Variants in EPHA5 observed in about 807,000 individuals in gnomAD.
The protein encoded by EPHA5 is ephrin type-A receptor 5.
EPHA5 carries 60 observed loss-of-function variants against 105.0 expected under a neutral mutation model. That is an observed-to-expected ratio of 0.57 (90% CI 0.46 to 0.71). EPHA5 has a LOEUF of 0.71. Ranked by LOEUF, EPHA5 falls within the 30% of genes least tolerant of loss-of-function variation. The probability of loss-of-function intolerance (pLI) is 0.00; values close to 1 mark genes in which losing one functional copy is unlikely to be tolerated. For missense variants in EPHA5, 1,218 were observed against 1,274.7 expected (o/e 0.96, Z 0.68); for synonymous variants, 513 against 449.1 (o/e 1.14, Z -1.80).
intron 5 of EPHA5, among the ~76,000 whole-genome samples, chr4:65,477,327 T>A (rs1252578180): frequency 6.6e-6 from 1 of 152,196 alleles, no homozygotes; most frequent in Non-Finnish European, 1.5e-5. Context: ...GGCTCTAGTA[T>A]AAGAATTGGT....
intron 8 of EPHA5, among the ~76,000 whole-genome samples, chr4:65,401,213 T>C (rs1167257739): frequency 6.6e-6 from 1 of 152,128 alleles, no homozygotes; most frequent in Non-Finnish European, 1.5e-5. Flanking sequence ...TTATGTTAGG[T>C]TTTGGCCACA....
At chr4:65,621,217 C>T (rs1474014756) in intron 2 of EPHA5, among the ~76,000 whole-genome samples, 3 of 152,152 alleles carry the variant, frequency 2.0e-5, no homozygotes, top group Admixed American at 2.0e-4. Context: ...AGAAGCATCA[C>T]TTGTTTACAC....
intron 3 of EPHA5, among the ~76,000 whole-genome samples, chr4:65,525,616 G>A (rs1207827603): frequency 6.6e-6 from 1 of 151,746 alleles, no homozygotes; most frequent in Non-Finnish European, 1.5e-5. Flanking sequence ...GCCTTAAAGT[G>A]TTCACATTTA....
At chr4:65,504,577 A>G (rs34175917) in intron 3 of EPHA5, among the ~76,000 whole-genome samples, 7,082 of 151,988 alleles carry the variant, frequency 0.047, 282 homozygotes, top group African/African-American at 0.1. Context: ...ATTTATGGAA[A>G]GACATTCTGT....
At chr4:65,508,564 C>T (rs575391133) in intron 3 of EPHA5, among the ~76,000 whole-genome samples, 1 of 152,040 alleles carries the variant, frequency 6.6e-6, no homozygotes, top group Non-Finnish European at 1.5e-5. Flanking sequence ...GTACAATTAA[C>T]TATGTGCTAT....
chr4:65,373,984 A>G (rs112296333), intron 8 of EPHA5, among the ~76,000 whole-genome samples: 1 of 151,970 alleles, frequency 6.6e-6, no homozygotes, highest in Non-Finnish European at 1.5e-5. Context: ...ATAAATATAC[A>G]TTGGTTTCTG....
chr4:65,347,326 A>C (rs2148839234), intron 14 of EPHA5, among the ~76,000 whole-genome samples: 1 of 152,342 alleles, frequency 6.6e-6, no homozygotes, highest in African/African-American at 2.4e-5. Context: ...CTGCTTTTAT[A>C]ATTGTTGTTT....
intron 3 of EPHA5, among the ~76,000 whole-genome samples, chr4:65,585,660 C>A (rs2149405263): frequency 6.6e-6 from 1 of 151,776 alleles, no homozygotes; most frequent in African/African-American, 2.4e-5. Context: ...ACAAGAAAAT[C>A]TGAAGATTAT....
intron 11 of EPHA5, among the ~76,000 whole-genome samples, chr4:65,362,556 C>G (rs1249999944): frequency 6.6e-6 from 1 of 151,636 alleles, no homozygotes; most frequent in Non-Finnish European, 1.5e-5. Context: ...TCATGCTGAA[C>G]AGCATCATCC....
chr4:65,616,119 C>T (rs531223769), intron 2 of EPHA5, among the ~76,000 whole-genome samples: 2 of 151,860 alleles, frequency 1.3e-5, no homozygotes, highest in East Asian at 3.9e-4. Flanking sequence ...AAGAAACAAA[C>T]TATTGATAAA....
intron 2 of EPHA5, among the ~76,000 whole-genome samples, chr4:65,641,165 C>A (rs1195433326): frequency 6.6e-6 from 1 of 152,154 alleles, no homozygotes; most frequent in East Asian, 1.9e-4. Flanking sequence ...TACTTCCTTT[C>A]TGTTCTTACG....
intron 5 of EPHA5, among the ~76,000 whole-genome samples, chr4:65,479,284 A>G (rs2149182705): frequency 6.6e-6 from 1 of 152,294 alleles, no homozygotes; most frequent in East Asian, 1.9e-4. Flanking sequence ...TGTGATATTT[A>G]CGTAATTTAC....
At chr4:65,619,235 T>G (rs990197708) in intron 2 of EPHA5, among the ~76,000 whole-genome samples, 1 of 152,198 alleles carries the variant, frequency 6.6e-6, no homozygotes, top group Admixed American at 6.5e-5. Flanking sequence ...CATAGACATT[T>G]GCACTAATCT....
intron 8 of EPHA5, among the ~76,000 whole-genome samples, chr4:65,397,071 G>A (rs1414435806): frequency 6.6e-6 from 1 of 152,228 alleles, no homozygotes; most frequent in Non-Finnish European, 1.5e-5. Context: ...CTGGACAGCA[G>A]GAGGAGGCCA....
At chr4:65,536,142 T>C (rs1284919073) in intron 3 of EPHA5, among the ~76,000 whole-genome samples, 3 of 151,984 alleles carry the variant, frequency 2.0e-5, no homozygotes, top group Non-Finnish European at 4.4e-5. Context: ...TAATGACTCT[T>C]TAGTAACATA....
At chr4:65,566,805 C>T (rs970326183) in intron 3 of EPHA5, among the ~76,000 whole-genome samples, 1 of 151,740 alleles carries the variant, frequency 6.6e-6, no homozygotes, top group East Asian at 1.9e-4. Context: ...ACTGTAACAT[C>T]ACTAAAGGTC....
intron 1 of EPHA5, among the ~76,000 whole-genome samples, chr4:65,656,953 GT>G (rs564679940): frequency 2.3e-4 from 33 of 143,744 alleles, no homozygotes; most frequent in Admixed American, 4.8e-4. Context: ...ACGTGTGTGT[GT>G]TTTTTTTTTT....
At chr4:65,606,331 A>G (rs557365600) in intron 2 of EPHA5, among the ~76,000 whole-genome samples, 19 of 152,300 alleles carry the variant, frequency 1.2e-4, no homozygotes, top group African/African-American at 4.1e-4. Context: ...TATCAAACAT[A>G]TACATATAAC....
chr4:65,663,306 A>G (rs1256799398), intron 1 of EPHA5, among the ~76,000 whole-genome samples: 3 of 152,164 alleles, frequency 2.0e-5, no homozygotes, highest in East Asian at 3.9e-4. Context: ...TCACAAAGTT[A>G]GACTAACATT....
Sources: allele counts gnomAD v4.1 joint callset (sites outside exome capture counted in the v4.1 genomes callset), GRCh38; gene constraint gnomAD v4.1.1; transcripts MANE v1.5; gene names NCBI Gene and HGNC (gene_info 2026-07-23, HGNC 2026-07-21).